Variants in SLC9A3 observed in about 807,000 individuals in gnomAD.
SLC9A3 encodes solute carrier family 9 member A3.
In SLC9A3, 37 loss-of-function variants were observed where a neutral mutation model predicts 86.8. That is an observed-to-expected ratio of 0.43 (90% CI 0.33 to 0.56). The LOEUF (loss-of-function observed/expected upper bound fraction) is 0.56, where lower values mean the gene tolerates loss of function less well. SLC9A3 is among the 20% of genes least tolerant of loss of function. The probability of loss-of-function intolerance (pLI) is 0.06; values close to 1 mark genes in which losing one functional copy is unlikely to be tolerated. For missense variants in SLC9A3, 1,011 were observed against 1,171.9 expected (o/e 0.86, Z 2.00); for synonymous variants, 581 against 528.3 (o/e 1.10, Z -1.37).
In SLC9A3 at chr5:471,859, TTG is replaced by T. The variant is rs1023097250; in HGVS notation, c.*1518_*1519del. The T allele has an allele frequency of 4.4e-6, 2 of 456,452 alleles. No homozygotes were observed. The highest frequency in any genetic ancestry group is 4.0e-5 in the African/African-American group (2 of 50,048). 28.3% of individuals were successfully genotyped at this position (456,452 alleles called of 1,614,324 possible). A position where few individuals can be genotyped will look rare whatever the true frequency, so the allele number is the denominator to read the frequency against. On this transcript the variant is annotated 3_prime_UTR_variant, in exon 17 of 17. Coordinates refer to ENST00000264938, the MANE Select transcript of SLC9A3 (RefSeq NM_004174.4). ...ACAGTAAAAAGCTATCAATGGGAAA[TTG>T]TGGACTTTTCCCACCAGGGACTCAA...
Position 524,081 on chromosome 5 carries a change from G to C in SLC9A3, c.211+31C>G. The C allele has an allele frequency of 4.2e-6, 6 of 1,422,432 alleles. No homozygotes were observed. The South Asian group carries it at 8.0e-5, about 19-fold the overall frequency. The allele number at this position is 1,422,432 out of a possible 1,614,324, so 88.1% of individuals were successfully genotyped here. A position where few individuals can be genotyped will look rare whatever the true frequency, so the allele number is the denominator to read the frequency against. ...CAGCAGAGGCGGCCGCACACCCCGC[G>C]GGCAGATCCGGAGACCCCGGGGCCA... On this transcript the variant is annotated intron_variant, in intron 1 of 16. Coordinates refer to ENST00000264938, the MANE Select transcript of SLC9A3 (RefSeq NM_004174.4).
intron 1 of SLC9A3, among the ~76,000 whole-genome samples, chr5:500,324 C>T (rs75210325): frequency 5.6e-4 from 85 of 152,354 alleles, no homozygotes; most frequent in Non-Finnish European, 8.4e-4. Flanking sequence ...GGACACGCCA[C>T]GAGGCTCCCC....
In SLC9A3 at chr5:471,396, C is replaced by T. The variant is rs941904416; in HGVS notation, c.*1983G>A. 1.3e-4 allele frequency: 39 copies of T among 289,682 alleles called. No individual in the cohort carries two copies. Among genetic ancestry groups the T allele is most frequent in the African/African-American group, 3.5e-4 (16 of 45,788 alleles). The allele number at this position is 289,682 out of a possible 1,614,324, so 17.9% of individuals were successfully genotyped here. On this transcript the variant is annotated 3_prime_UTR_variant, in exon 17 of 17. Coordinates refer to ENST00000264938, the MANE Select transcript of SLC9A3 (RefSeq NM_004174.4). ...GCCATGCATTGCGCGGTGGACCGCACGACGCTCCTGCTCTGTTCTCCCAGG... is the reference window on the plus strand; with the variant it reads ...GCCATGCATTGCGCGGTGGACCGCATGACGCTCCTGCTCTGTTCTCCCAGG...
At chr5:516,399 G>A (rs908041281) in intron 1 of SLC9A3, among the ~76,000 whole-genome samples, 19 of 152,174 alleles carry the variant, frequency 1.2e-4, no homozygotes, top group Non-Finnish European at 2.9e-5. Context: ...AGACGGATGA[G>A]ACCATTCAAG....
chr5:505,939 G>A (rs1336036253), intron 1 of SLC9A3, among the ~76,000 whole-genome samples: 2 of 151,790 alleles, frequency 1.3e-5, no homozygotes, highest in African/African-American at 4.8e-5. Flanking sequence ...TGGGGTTAGG[G>A]TTGGGGTGCA....
At chr5:483,649 C>T (rs1739327927) in intron 5 of SLC9A3, among the ~76,000 whole-genome samples, 167 bp from the exon 6 acceptor site, 1 of 152,324 alleles carries the variant, frequency 6.6e-6, no homozygotes, top group Non-Finnish European at 1.5e-5. Flanking sequence ...GGTTCCTGCC[C>T]ACAGCCCTGC....
rs534931730 is a variant in SLC9A3 at position 508,874 on chromosome 5, T to TA, written c.211+15237dup. On this transcript the variant is annotated intron_variant, in intron 1 of 16. Transcript: ENST00000264938. ...CTGTGATCCCAGCACTTTGGGAGGCTAACGCAGGAGAATCGCTTGAGCCCA... is the reference window on the plus strand; with the variant it reads ...CTGTGATCCCAGCACTTTGGGAGGCTAAACGCAGGAGAATCGCTTGAGCCCA... Among the ~76,000 whole-genome samples, 116 of 152,276 alleles carry TA rather than the reference T, an allele frequency of 7.6e-4. 6 individuals are homozygous for TA. In the East Asian group the frequency reaches 0.014, roughly 18 times the overall value.
At chr5:481,737 C>T in intron 8 of SLC9A3, 102 bp from the exon 9 acceptor site, 2 of 1,000,336 alleles carry the variant, frequency 2.0e-6, no homozygotes, top group Non-Finnish European at 3.2e-6. Context: ...ACCAGCCCCC[C>T]TCACCACGCC....
chr5:486,751 G>A (rs971958074), intron 3 of SLC9A3, among the ~76,000 whole-genome samples: 23 of 152,248 alleles, frequency 1.5e-4, no homozygotes, highest in Admixed American at 1.4e-3. Context: ...CCCTGTGAGA[G>A]GAGGCGACTC....
chr5:519,990 C>T (rs933937654), intron 1 of SLC9A3, among the ~76,000 whole-genome samples: 16 of 152,314 alleles, frequency 1.1e-4, no homozygotes, highest in Admixed American at 2.6e-4. Flanking sequence ...AGATGTGGGG[C>T]GGCCTGGGCC....
chr5:507,163 C>CTTTTTTTT, intron 1 of SLC9A3, among the ~76,000 whole-genome samples: 1 of 34,754 alleles, frequency 2.9e-5, no homozygotes, highest in Non-Finnish European at 5.6e-5. Context: ...CCGGCTGCTG[C>CTTTTTTTT]TTCTTTTTTT....
Position 498,986 on chromosome 5 carries a change from G to A in SLC9A3, c.212-6915C>T, listed in dbSNP as rs145903465. Among the ~76,000 whole-genome samples, 738 of 152,326 alleles carry A rather than the reference G, an allele frequency of 4.8e-3. 4 individuals carry two copies. The highest frequency in any genetic ancestry group is 0.017 in the African/African-American group (700 of 41,572). On this transcript the variant is annotated intron_variant, in intron 1 of 16. Transcript: ENST00000264938. ...CCTCCTGAGGAGGTGCCAAGGCCAG[G>A]CCTCTCCTTGGTGACCCTGCATCTC...
rs372546363 is a variant in SLC9A3, at chr5:491,842, G to A, written c.441C>T (p.Ala147=). The change falls in exon 2 of 17, where the codon GCC becomes GCT. Residue 147 remains alanine, a synonymous_variant. Coordinates refer to ENST00000264938, the MANE Select transcript of SLC9A3 (RefSeq NM_004174.4). The surrounding 1 kb of genome is among the most constrained non-coding windows in gnomAD (Gnocchi z 9.2). ...CCGCGTTCCACACGGTACCCACGAC[G>A]GCGTACAACAGGATGGTCCCCAGGT... is the stretch of plus-strand genomic sequence containing the variant. The part of the protein sequence containing the change: ...FGNLGTILLY[A]VVGTVWNAAT... The A allele has an allele frequency of 2.3e-5, 37 of 1,602,552 alleles. No homozygotes were observed. The highest frequency in any genetic ancestry group is 3.4e-5 in the Admixed American group (2 of 58,610).
intron 1 of SLC9A3, among the ~76,000 whole-genome samples, chr5:499,548 C>G (rs1358850536): frequency 6.6e-6 from 1 of 152,244 alleles, no homozygotes; most frequent in Non-Finnish European, 1.5e-5. Context: ...GATGACGACA[C>G]TTGGGTTCCA....
chr5:475,060 A>C lies in SLC9A3; in HGVS notation c.2324T>G (p.Leu775Arg). 6.2e-7 allele frequency: 1 copy of C among 1,612,110 alleles called. No homozygotes were observed. Among genetic ancestry groups the C allele is most frequent in the Non-Finnish European group, 8.5e-7 (1 of 1,179,598 alleles). Residue 775 changes from leucine (L) to arginine (R), a missense_variant, in exon 16 of 17, where the codon CTG becomes CGG. Transcript: ENST00000264938. ...GGGGACCACCGTCTCCCCGGGAGAC[A>C]GCCAGGGCGGCAGCCTGGCCAGGAG... The part of the protein sequence containing the change: ...RSLLARLPPW[L>R]SPGETVVPSQ...
chr5:495,300 T>TCAGGGACTCAGGGACA (rs1553997687), intron 1 of SLC9A3, among the ~76,000 whole-genome samples: 1 of 150,574 alleles, frequency 6.6e-6, no homozygotes, highest in Non-Finnish European at 1.5e-5. Flanking sequence ...GGCCAGCAAG[T>TCAGGGACTCAGGGACA]CAGGGACACA....
At chr5:492,942 G>A (rs1039018116) in intron 1 of SLC9A3, among the ~76,000 whole-genome samples, 10 of 152,140 alleles carry the variant, frequency 6.6e-5, no homozygotes, top group East Asian at 3.9e-4. Flanking sequence ...ACTCCACTCC[G>A]CACGGGTGAG....
Position 484,579 on chromosome 5 carries a change from G to A in SLC9A3, c.873C>T (p.Phe291=), listed in dbSNP as rs1241251148. 5.0e-6 allele frequency: 8 copies of A among 1,613,158 alleles called. No homozygotes were observed. Among genetic ancestry groups the A allele is most frequent in the Middle Eastern group, 3.3e-4 (2 of 6,084 alleles). Residue 291 remains phenylalanine (F), a synonymous_variant, in exon 5 of 17, where the codon TTC becomes TTT. Transcript: ENST00000264938. ...HVRIIEPGFV[F]IISYLSYLTS... The stretch of plus-strand genomic sequence containing the variant: ...TCAGGTAGGACAGGTAGGAGATGAT[G>A]AACACGAAGCCGGGCTCGATGATAC...
At chr5:516,599 T>C (rs1222249728) in intron 1 of SLC9A3, among the ~76,000 whole-genome samples, 2 of 152,200 alleles carry the variant, frequency 1.3e-5, no homozygotes, top group African/African-American at 2.4e-5. Flanking sequence ...CCAGAAGGCA[T>C]ATAGCTAAGG....
Sources: allele counts gnomAD v4.1 joint callset (sites outside exome capture counted in the v4.1 genomes callset), GRCh38; gene constraint gnomAD v4.1.1; non-coding constraint Gnocchi (gnomAD v3.1); transcripts MANE v1.5; gene names NCBI Gene and HGNC (gene_info 2026-07-23, HGNC 2026-07-21).